Variants in ERBB4 observed in about 807,000 individuals in gnomAD.
ERBB4 encodes receptor tyrosine-protein kinase erbB-4.
In ERBB4, 42 loss-of-function variants were observed where a neutral mutation model predicts 158.0. The observed-to-expected ratio is 0.27, with a 90% CI of 0.21 to 0.34. The LOEUF is 0.34. ERBB4 is among the 10% of genes least tolerant of loss of function. ERBB4 has a pLI of 1.00. For synonymous variants in ERBB4, 583 were observed against 558.7 expected (o/e 1.04, Z -0.61); for missense variants, 1,333 against 1,624.1 (o/e 0.82, Z 3.08).
At chr2:211,991,817 C>T (rs2082080818) in intron 2 of ERBB4, among the ~76,000 whole-genome samples, 1 of 152,100 alleles carries the variant, frequency 6.6e-6, no homozygotes, top group Non-Finnish European at 1.5e-5. Flanking sequence ...TGCCTGGCGT[C>T]TGGATTTCTC....
chr2:212,487,678 G>C (rs1575012693), intron 1 of ERBB4, among the ~76,000 whole-genome samples: 1 of 151,904 alleles, frequency 6.6e-6, no homozygotes, highest in East Asian at 1.9e-4. Flanking sequence ...AAAGAAATGA[G>C]AGGCTAAAGG....
At chr2:211,962,547 C>T (rs2081207475) in intron 2 of ERBB4, among the ~76,000 whole-genome samples, 1 of 152,078 alleles carries the variant, frequency 6.6e-6, no homozygotes, top group Non-Finnish European at 1.5e-5. Context: ...GAATTAGTGG[C>T]ACTGTATACA....
chr2:211,793,024 T>C (rs966644983), intron 3 of ERBB4, among the ~76,000 whole-genome samples: 3 of 151,856 alleles, frequency 2.0e-5, no homozygotes, highest in African/African-American at 7.2e-5. Flanking sequence ...AATGACCTAA[T>C]TGTGATGTAA....
chr2:211,844,510 T>A (rs1439234), intron 3 of ERBB4, among the ~76,000 whole-genome samples: 33,101 of 152,134 alleles, frequency 0.22, 3,727 homozygotes, highest in South Asian at 0.33. Context: ...CAGTTGAATT[T>A]TTGATTGCTA....
At chr2:212,400,196 A>C (rs1412520825) in intron 1 of ERBB4, among the ~76,000 whole-genome samples, 1 of 152,188 alleles carries the variant, frequency 6.6e-6, no homozygotes, top group Admixed American at 6.5e-5. Context: ...AAAGATTGTA[A>C]GTAGAGAAGG....
intron 19 of ERBB4, among the ~76,000 whole-genome samples, chr2:211,602,116 G>A (rs1207066017): frequency 2.0e-5 from 3 of 152,052 alleles, no homozygotes; most frequent in South Asian, 2.1e-4. Flanking sequence ...GCAGGTGTTG[G>A]GTGTAGGGGG....
chr2:211,557,701 C>T (rs1016308990), intron 20 of ERBB4, among the ~76,000 whole-genome samples: 9 of 152,228 alleles, frequency 5.9e-5, no homozygotes, highest in African/African-American at 1.9e-4. Context: ...CTATGGAAAG[C>T]AGTCTAGCAA....
intron 2 of ERBB4, among the ~76,000 whole-genome samples, chr2:212,003,276 T>G (rs1301061215): frequency 7.6e-6 from 1 of 131,382 alleles, no homozygotes; most frequent in Admixed American, 7.5e-5. Flanking sequence ...AGAAAGACAA[T>G]ACAAATGAAT....
chr2:211,698,858 G>A (rs1250057460), intron 12 of ERBB4, among the ~76,000 whole-genome samples: 1 of 151,988 alleles, frequency 6.6e-6, no homozygotes, highest in Non-Finnish European at 1.5e-5. Flanking sequence ...CTGTAATTTG[G>A]TTACTATCAT....
At chr2:211,826,569 G>C (rs1490433806) in intron 3 of ERBB4, among the ~76,000 whole-genome samples, 1 of 150,540 alleles carries the variant, frequency 6.6e-6, no homozygotes, top group Non-Finnish European at 1.5e-5. Context: ...ATCTCTGTCT[G>C]TTTTATTTCC....
chr2:211,865,264 G>C (rs566358516), intron 3 of ERBB4, among the ~76,000 whole-genome samples: 1 of 151,442 alleles, frequency 6.6e-6, no homozygotes, highest in South Asian at 2.1e-4. Flanking sequence ...TTGCTTAGGA[G>C]ATTGGAAAAA....
intron 25 of ERBB4, among the ~76,000 whole-genome samples, chr2:211,391,244 T>C (rs566641681): frequency 6.6e-6 from 1 of 152,314 alleles, no homozygotes; most frequent in Non-Finnish European, 1.5e-5. Context: ...TTGGAAAGAA[T>C]GACAGCTGCA....
rs545057570 is a variant in ERBB4 at position 211,601,383 on chromosome 2, C to T, written c.2301+17794G>A. ...AGTGTGAAAAATATTATCAAAGATG[C>T]CATGGGATTGGGGGTGGGGACGGGA... On this transcript the variant is annotated intron_variant, in intron 19 of 27. Coordinates refer to ENST00000342788, the MANE Select transcript of ERBB4 (RefSeq NM_005235.3). Among the ~76,000 whole-genome samples, 5 of 151,878 alleles carry T rather than the reference C, an allele frequency of 3.3e-5. No individual in the cohort carries two copies. In the East Asian group the frequency reaches 7.7e-4, roughly 24 times the overall value.
chr2:211,464,117 C>T (rs745408272), intron 20 of ERBB4, among the ~76,000 whole-genome samples: 38 of 152,174 alleles, frequency 2.5e-4, no homozygotes, highest in African/African-American at 7.2e-5. Context: ...TGTATTTCTT[C>T]TCCCTTTCTT....
chr2:212,143,157 T>C (rs2125609687), intron 1 of ERBB4, among the ~76,000 whole-genome samples: 1 of 152,306 alleles, frequency 6.6e-6, no homozygotes, highest in Non-Finnish European at 1.5e-5. Context: ...TTGTGATTAT[T>C]TTGCAAACAA....
In ERBB4 at chr2:212,114,198, G is replaced by T. The variant is rs1300188318; in HGVS notation, c.234+10554C>A. On this transcript the variant is annotated intron_variant, in intron 2 of 27. Transcript: ENST00000342788. ...GCTACAAAGAAGCAGAGGGTGCTATGAATGTATGTAATGGGAGGAATTTAG... is the reference window on the plus strand; with the variant it reads ...GCTACAAAGAAGCAGAGGGTGCTATTAATGTATGTAATGGGAGGAATTTAG... Among the ~76,000 whole-genome samples the T allele has an allele frequency of 2.6e-5, 4 of 152,294 alleles. No individual in the cohort carries two copies. In the East Asian group the frequency reaches 7.7e-4, roughly 29 times the overall value.
chr2:211,502,243 C>G (rs1047401743), intron 20 of ERBB4, among the ~76,000 whole-genome samples: 1 of 152,082 alleles, frequency 6.6e-6, no homozygotes, highest in Non-Finnish European at 1.5e-5. Context: ...TCATAACATA[C>G]TTCTATGGCT....
At chr2:211,523,792 G>C (rs1472701849) in intron 20 of ERBB4, among the ~76,000 whole-genome samples, 1 of 152,026 alleles carries the variant, frequency 6.6e-6, no homozygotes, top group Non-Finnish European at 1.5e-5. Context: ...GTGTGGAAGG[G>C]GACCCGAGCA....
At chr2:212,338,608 T>G (rs1475432987) in intron 1 of ERBB4, among the ~76,000 whole-genome samples, 1 of 152,106 alleles carries the variant, frequency 6.6e-6, no homozygotes, top group East Asian at 1.9e-4. Context: ...CACTAAAATA[T>G]ACAATATTTT....
Sources: allele counts gnomAD v4.1 joint callset (sites outside exome capture counted in the v4.1 genomes callset), GRCh38; gene constraint gnomAD v4.1.1; transcripts MANE v1.5; gene names NCBI Gene and HGNC (gene_info 2026-07-23, HGNC 2026-07-21).